The following PSMA1 variants were observed in gnomAD, a reference collection of about 807,000 sequenced individuals.
PSMA1 encodes the protein proteasome subunit alpha type-1.
PSMA1 carries 3 observed loss-of-function variants against 38.4 expected under a neutral mutation model. That is an observed-to-expected ratio of 0.08 (90% CI 0.04 to 0.20). The LOEUF (loss-of-function observed/expected upper bound fraction) is 0.20, where lower values mean the gene tolerates loss of function less well. PSMA1 is among the 10% of genes least tolerant of loss of function. The probability of loss-of-function intolerance (pLI) is 1.00; values close to 1 mark genes in which losing one functional copy is unlikely to be tolerated. For synonymous variants in PSMA1, 101 were observed against 107.1 expected (o/e 0.94, Z 0.35); for missense variants, 227 against 325.3 (o/e 0.70, Z 2.32).
chr11:14,603,978 A>G (rs1852614355), intron 2 of PSMA1, among the ~76,000 whole-genome samples: 1 of 152,252 alleles, frequency 6.6e-6, no homozygotes, highest in African/African-American at 2.4e-5. Flanking sequence ...AAGTTAGCAT[A>G]TAGTCTTCTG....
rs866759607 is a variant in PSMA1 at position 14,633,701 on chromosome 11, T to G, written c.-166+9754A>C. On this transcript the variant is annotated intron_variant, in intron 1 of 10. Coordinates refer to the PSMA1 transcript ENST00000418988. ...CTTCCTGGCTGCTTTGTTTACCTAA[T>G]CAAGCCTGGGCAATGGCGGGCACCC... Among the ~76,000 whole-genome samples the G allele has an allele frequency of 4.6e-4, 70 of 152,278 alleles. No homozygotes were observed. In the Middle Eastern group the frequency reaches 0.01, roughly 22 times the overall value.
intron 1 of PSMA1, among the ~76,000 whole-genome samples, chr11:14,625,462 T>C (rs1387429961): frequency 6.6e-6 from 1 of 152,098 alleles, no homozygotes; most frequent in Non-Finnish European, 1.5e-5. Flanking sequence ...AAAGAAAATT[T>C]GTCACTCAAA....
At chr11:14,582,013 T>C (rs1852287288) in intron 2 of PSMA1, among the ~76,000 whole-genome samples, 1 of 152,190 alleles carries the variant, frequency 6.6e-6, no homozygotes, top group Non-Finnish European at 1.5e-5. Context: ...GGATCATGTG[T>C]CTACTGCTGA....
chr11:14,555,818 A>ATATC (rs1851935989), intron 2 of PSMA1, among the ~76,000 whole-genome samples: 1 of 152,236 alleles, frequency 6.6e-6, no homozygotes, highest in Non-Finnish European at 1.5e-5. Context: ...GAACTGCTTG[A>ATATC]TGTTCACTTC....
chr11:14,518,918 C>T, intron 2 of PSMA1, 79 bp downstream of exon 2: 1 of 1,152,778 alleles, frequency 8.7e-7, no homozygotes, highest in South Asian at 1.4e-5. Flanking sequence ...TTCCCCAAGC[C>T]TACGCTCTCA....
chr11:14,572,208 T>C (rs1852151614), intron 2 of PSMA1, among the ~76,000 whole-genome samples: 1 of 152,150 alleles, frequency 6.6e-6, no homozygotes, highest in African/African-American at 2.4e-5. Context: ...TAACAGAAGA[T>C]ATATTCTTCT....
intron 2 of PSMA1, among the ~76,000 whole-genome samples, chr11:14,580,612 C>T (rs946568844): frequency 1.3e-5 from 2 of 152,104 alleles, no homozygotes; most frequent in Non-Finnish European, 2.9e-5. Context: ...ATCTCCAGTG[C>T]CTAGTAAGTG....
intron 1 of PSMA1, among the ~76,000 whole-genome samples, chr11:14,635,843 ATAGAATC>A (rs1853107385): frequency 6.6e-6 from 1 of 152,110 alleles, no homozygotes; most frequent in Non-Finnish European, 1.5e-5. Flanking sequence ...TCTGTATTAT[ATAGAATC>A]TGTAGCCTCA....
chr11:14,636,238 T>C (rs1044952526), intron 1 of PSMA1, among the ~76,000 whole-genome samples: 1 of 152,186 alleles, frequency 6.6e-6, no homozygotes, highest in Non-Finnish European at 1.5e-5. Context: ...CTGTTCCACA[T>C]AAGGTTGACA....
intron 1 of PSMA1, among the ~76,000 whole-genome samples, chr11:14,640,661 CAG>C (rs1431335593): frequency 1.3e-5 from 2 of 152,172 alleles, no homozygotes; most frequent in Non-Finnish European, 2.9e-5. Context: ...ACTTGGGCAA[CAG>C]AGTCGCTACT....
intron 7 of PSMA1, among the ~76,000 whole-genome samples, chr11:14,511,744 A>T (rs1851347048): frequency 6.6e-6 from 1 of 152,206 alleles, no homozygotes; most frequent in Non-Finnish European, 1.5e-5. Context: ...AAGTTTAGGA[A>T]CAAAAAAAAG....
rs1177710524 is a variant in PSMA1, at chr11:14,505,228, T to C, written c.756A>G (p.Glu252=). Residue 252 remains glutamate, a synonymous_variant, in exon 10 of 10, where the codon GAA becomes GAG. Coordinates refer to ENST00000396394, the MANE Select transcript of PSMA1 (RefSeq NM_002786.4). ...RKAQPAQPAD[E]PAEKADEPME... is the part of the protein sequence containing the mutation. Reference sequence around the variant, plus strand: ...TTGGTTCATCAGCCTTTTCTGCAGGTTCATCAGCAGGTTGAGCAGGCTTAA... The same window carrying C: ...TTGGTTCATCAGCCTTTTCTGCAGGCTCATCAGCAGGTTGAGCAGGCTTAA... 2 of 1,613,692 alleles carry C rather than the reference T, an allele frequency of 1.2e-6. No individual in the cohort carries two copies. The highest frequency in any genetic ancestry group is 2.7e-5 in the African/African-American group (2 of 74,924).
At chr11:14,611,256 G>T in intron 1 of PSMA1, 1 of 438,734 alleles carries the variant, frequency 2.3e-6, no homozygotes, top group Middle Eastern at 6.0e-4. Context: ...TCCTCTCCTG[G>T]GGGTAAGTAG....
chr11:14,549,992 A>T lies in PSMA1; in HGVS notation c.22-30951T>A, dbSNP rs1851868658. Among the ~76,000 whole-genome samples, 5 of 152,300 alleles carry T rather than the reference A, an allele frequency of 3.3e-5. No individual in the cohort carries two copies. In the South Asian group the frequency reaches 1.0e-3, roughly 32 times the overall value. ...CTTCTCCTAATGTCTGGTATTCTGT[A>T]TTTAACAAAACATATCATGGGTAAA... On this transcript the variant is annotated intron_variant, in intron 2 of 10. Transcript: ENST00000418988.
intron 2 of PSMA1, among the ~76,000 whole-genome samples, chr11:14,540,397 C>T (rs1426118033): frequency 6.6e-6 from 1 of 152,196 alleles, no homozygotes; most frequent in Admixed American, 6.5e-5. Flanking sequence ...ATTACGTCCT[C>T]AGGAGAGATA....
chr11:14,633,908 C>T (rs1045258066), intron 1 of PSMA1, among the ~76,000 whole-genome samples: 7 of 152,148 alleles, frequency 4.6e-5, no homozygotes, highest in Non-Finnish European at 1.0e-4. Context: ...TTTCCAGGTG[C>T]CGTCTGTCAC....
intron 1 of PSMA1, among the ~76,000 whole-genome samples, chr11:14,624,672 C>T (rs544148197): frequency 6.6e-6 from 1 of 152,280 alleles, no homozygotes; most frequent in Admixed American, 6.5e-5. Flanking sequence ...CACATCTTGG[C>T]AGGGGTAATC....
chr11:14,641,802 TTATTA>T (rs767411028), intron 1 of PSMA1, among the ~76,000 whole-genome samples: 6 of 152,374 alleles, frequency 3.9e-5, no homozygotes, highest in Admixed American at 6.5e-5. Context: ...GCTCTTGCTC[TTATTA>T]TATTATTGGC....
intron 2 of PSMA1, among the ~76,000 whole-genome samples, chr11:14,590,695 T>C (rs1398847697): frequency 1.3e-5 from 2 of 152,204 alleles, no homozygotes. Flanking sequence ...AGAGAGATCG[T>C]AGCGGGGTCC....
Sources: gnomAD v4.1 joint callset for allele counts (sites outside exome capture counted in the v4.1 genomes callset) on GRCh38, gnomAD v4.1.1 for gene constraint, MANE v1.5 for transcripts, NCBI Gene and HGNC (gene_info 2026-07-23, HGNC 2026-07-21) for gene names.